Variants in RNF157 observed in about 807,000 individuals in gnomAD.
RNF157 encodes the protein E3 ubiquitin ligase RNF157.
A neutral mutation model predicts 88.3 loss-of-function variants in RNF157; 55 were observed. The observed-to-expected ratio is 0.62, with a 90% confidence interval of 0.50 to 0.78. The LOEUF (loss-of-function observed/expected upper bound fraction) is 0.78, where lower values mean the gene tolerates loss of function less well. RNF157 is among the 30% of genes least tolerant of loss of function. The probability of loss-of-function intolerance (pLI) is 0.00; values close to 1 mark genes in which losing one functional copy is unlikely to be tolerated. For synonymous variants in RNF157, 334 were observed against 341.2 expected, an observed-to-expected ratio of 0.98 and a Z score of 0.23; for missense variants, 788 against 860.8, an observed-to-expected ratio of 0.92 and a Z score of 1.06.
chr17:76,168,271 G>A (rs918601174), intron 3 of RNF157, among the ~76,000 whole-genome samples: 17 of 152,046 alleles, frequency 1.1e-4, no homozygotes, highest in Admixed American at 1.1e-3. Context: ...TCCTCACTGT[G>A]CTCCATGTAG....
intron 1 of RNF157, among the ~76,000 whole-genome samples, chr17:76,233,200 G>GT (rs1485008321): frequency 6.6e-6 from 1 of 151,894 alleles, no homozygotes; most frequent in African/African-American, 2.4e-5. Context: ...GATTACAGGC[G>GT]TGAGCCACCG....
At chr17:76,189,746 G>A (rs902800409) in intron 2 of RNF157, among the ~76,000 whole-genome samples, 4 of 152,204 alleles carry the variant, frequency 2.6e-5, no homozygotes, top group Admixed American at 2.6e-4. Flanking sequence ...TGGAAGCCCG[G>A]AGAAGGGACC....
intron 17 of RNF157, 163 bp downstream of exon 17, chr17:76,154,120 C>T: frequency 3.0e-6 from 2 of 666,328 alleles, no homozygotes. Context: ...CATCAATGCT[C>T]TGCTTGCTTT....
chr17:76,165,422 AC>A, intron 7 of RNF157, 79 bp downstream of exon 7: 1 of 1,434,686 alleles, frequency 7.0e-7, no homozygotes, highest in Non-Finnish European at 9.8e-7. Flanking sequence ...GAGCTCAGGC[AC>A]CCAGCAAACG....
chr17:76,207,569 T>G (rs77751164), intron 2 of RNF157, among the ~76,000 whole-genome samples: 6,059 of 152,326 alleles, frequency 0.04, 229 homozygotes, highest in African/African-American at 0.099. Flanking sequence ...CTATGGCATT[T>G]ATAGCTTAAT....
At chr17:76,227,832 G>A (rs1193740198) in intron 1 of RNF157, among the ~76,000 whole-genome samples, 3 of 151,924 alleles carry the variant, frequency 2.0e-5, no homozygotes, top group African/African-American at 4.8e-5. Flanking sequence ...AGCCAAGATC[G>A]CCCCATTGCA....
At chr17:76,191,916 A>C (rs1358002976) in intron 2 of RNF157, among the ~76,000 whole-genome samples, 2 of 152,254 alleles carry the variant, frequency 1.3e-5, no homozygotes, top group Non-Finnish European at 2.9e-5. Flanking sequence ...CGTGTAATCA[A>C]CTGTTAAGCT....
chr17:76,193,800 C>G (rs546915847), intron 2 of RNF157, among the ~76,000 whole-genome samples: 1 of 152,224 alleles, frequency 6.6e-6, no homozygotes, highest in Non-Finnish European at 1.5e-5. Flanking sequence ...CAGGCTCTCC[C>G]GCATCCTGCA....
At chr17:76,155,166 GC>G in intron 16 of RNF157, 85 bp downstream of exon 16, 1 of 1,184,242 alleles carries the variant, frequency 8.4e-7, no homozygotes, top group Non-Finnish European at 1.3e-6. Context: ...CAGCCTCCTG[GC>G]CCTGGTCCTT....
intron 1 of RNF157, among the ~76,000 whole-genome samples, chr17:76,229,838 G>T (rs1289799880): frequency 6.6e-6 from 1 of 152,044 alleles, no homozygotes; most frequent in African/African-American, 2.4e-5. Context: ...ATATAAGAGT[G>T]AAGAGTCAAA....
chr17:76,158,658 G>C (rs1447129011), intron 12 of RNF157, 157 bp from the exon 13 acceptor site: 2 of 603,144 alleles, frequency 3.3e-6, no homozygotes, highest in Non-Finnish European at 6.1e-6. Flanking sequence ...TGGGACTCCT[G>C]GGCTTCAGCG....
intron 3 of RNF157, among the ~76,000 whole-genome samples, chr17:76,169,258 T>C (rs2068975300): frequency 6.6e-6 from 1 of 150,916 alleles, no homozygotes; most frequent in South Asian, 2.1e-4. Flanking sequence ...TATCATTCTA[T>C]TGAAATTTTC....
At chr17:76,192,967 G>A (rs1011909256) in intron 2 of RNF157, among the ~76,000 whole-genome samples, 11 of 151,174 alleles carry the variant, frequency 7.3e-5, no homozygotes, top group African/African-American at 2.2e-4. Flanking sequence ...AGTAACAGCC[G>A]CGCGCCACCA....
intron 2 of RNF157, among the ~76,000 whole-genome samples, chr17:76,175,971 C>T (rs905727206): frequency 4.6e-5 from 7 of 152,178 alleles, no homozygotes; most frequent in African/African-American, 1.2e-4. Context: ...TATAAATCCA[C>T]CCCTATACTT....
intron 2 of RNF157, among the ~76,000 whole-genome samples, chr17:76,204,007 T>TG (rs1344553214): frequency 2.0e-5 from 3 of 150,476 alleles, no homozygotes; most frequent in Non-Finnish European, 3.0e-5. Context: ...GACCTCGTGA[T>TG]CTGCCCTCCT....
At chr17:76,230,189 T>C (rs763069315) in intron 1 of RNF157, among the ~76,000 whole-genome samples, 9 of 152,174 alleles carry the variant, frequency 5.9e-5, no homozygotes, top group Non-Finnish European at 1.0e-4. Flanking sequence ...ACAGAAACCT[T>C]TGAGGGGGCA....
intron 18 of RNF157, among the ~76,000 whole-genome samples, chr17:76,150,248 G>A (rs926864159): frequency 2.0e-5 from 3 of 151,880 alleles, no homozygotes; most frequent in East Asian, 1.9e-4. Context: ...GCCCTCTCCC[G>A]AGAGCCAACA....
intron 14 of RNF157, 30 bp downstream of exon 14, chr17:76,156,180 A>C: frequency 2.6e-6 from 4 of 1,532,072 alleles, no homozygotes; most frequent in Non-Finnish European, 2.7e-6. Flanking sequence ...AGGGGGAAGG[A>C]CATGCAGCCA....
chr17:76,202,124 T>TCACACACA (rs1416865466), intron 2 of RNF157, among the ~76,000 whole-genome samples: 1 of 139,592 alleles, frequency 7.2e-6, no homozygotes, highest in African/African-American at 2.9e-5. Context: ...TCTCTCTCTC[T>TCACACACA]CTCTCACACA....
Sources: gnomAD v4.1 joint callset for allele counts (sites outside exome capture counted in the v4.1 genomes callset) on GRCh38, gnomAD v4.1.1 for gene constraint, MANE v1.5 for transcripts, NCBI Gene and HGNC (gene_info 2026-07-23, HGNC 2026-07-21) for gene names.